Variants in PAM observed in about 807,000 individuals in gnomAD.
PAM encodes the protein peptidyl-glycine alpha-amidating monooxygenase.
PAM carries 72 observed loss-of-function variants against 122.1 expected under a neutral mutation model. That is an observed-to-expected ratio of 0.59 (90% CI 0.49 to 0.72). PAM has a LOEUF of 0.72. Ranked by LOEUF, PAM falls within the 30% of genes least tolerant of loss-of-function variation. The pLI is 0.00. For missense variants in PAM, 1,106 were observed against 1,183.7 expected (o/e 0.93, Z 0.96); for synonymous variants, 389 against 404.4 (o/e 0.96, Z 0.46).
intron 15 of PAM, chr5:102,974,750 A>G (rs934978859): frequency 4.3e-5 from 9 of 210,526 alleles, no homozygotes; most frequent in Non-Finnish European, 7.5e-5. Flanking sequence ...TTACAATTGA[A>G]TATTTTTCAT....
intron 1 of PAM, among the ~76,000 whole-genome samples, chr5:102,857,036 C>T (rs1037849143): frequency 6.6e-6 from 1 of 152,170 alleles, no homozygotes; most frequent in African/African-American, 2.4e-5. Flanking sequence ...GTTTATCTTC[C>T]TAGAGCAAGG....
At position 102,782,719 on chromosome 5, in the gene PAM, CTCTCTCTG is replaced by C. The variant is rs1439080109; in HGVS notation, c.-374+27373_-374+27380del. 2.0e-3 allele frequency among the ~76,000 whole-genome samples: 299 copies of C among 146,112 alleles called. 1 individual carries two copies. Among genetic ancestry groups the C allele is most frequent in the African/African-American group, 7.3e-3 (275 of 37,704 alleles). On this transcript the variant is annotated intron_variant, in intron 1 of 25. Coordinates refer to ENST00000438793, the MANE Select transcript of PAM (RefSeq NM_001177306.2). ...TTTCTCCATTTCTCTCTCTCTCTCT[CTCTCTCTG>C]TGTGTGTGTGTGTGTGTGTGTGTGT...
intron 7 of PAM, among the ~76,000 whole-genome samples, chr5:102,937,337 C>T (rs926295158): frequency 2.6e-5 from 4 of 151,952 alleles, no homozygotes; most frequent in African/African-American, 4.8e-5. Flanking sequence ...TTGACAGACA[C>T]TAGAAATGGA....
intron 24 of PAM, among the ~76,000 whole-genome samples, chr5:103,027,929 A>G (rs1785438692): frequency 6.6e-6 from 1 of 152,172 alleles, no homozygotes; most frequent in Non-Finnish European, 1.5e-5. Context: ...GTCAGAGGAG[A>G]AAACTGAAGC....
intron 18 of PAM, among the ~76,000 whole-genome samples, chr5:103,006,352 G>T (rs1778966381): frequency 6.9e-6 from 1 of 144,652 alleles, no homozygotes; most frequent in African/African-American, 2.5e-5. Flanking sequence ...TATAAAAAGT[G>T]AAATTTGTGT....
In PAM at chr5:102,963,883, T is replaced by TTA. The variant is rs1231812823; in HGVS notation, c.1162+2666_1162+2667dup. Among the ~76,000 whole-genome samples the TTA allele has an allele frequency of 4.0e-3, 601 of 149,608 alleles. 2 individuals carry two copies. Among genetic ancestry groups the TTA allele is most frequent in the African/African-American group, 0.014 (558 of 41,036 alleles). On this transcript the variant is annotated intron_variant, in intron 14 of 25. Coordinates refer to ENST00000438793, the MANE Select transcript of PAM (RefSeq NM_001177306.2). ...TATTTAAATTGTACTATATATAGTATTATATATATATATTTACTTCCTATC... is the reference window on the plus strand; with the variant it reads ...TATTTAAATTGTACTATATATAGTATTATATATATATATATTTACTTCCTATC...
rs1267969588 is a variant in PAM, at chr5:102,900,122, TTTG to T, written c.211-1233_211-1231del. ...AGAGGGTTTATGCTTGTTACCAGGTTTTGGCTAGAACAAATAATAAAATCTCCT... is the reference window on the plus strand; with the variant it reads ...AGAGGGTTTATGCTTGTTACCAGGTTGCTAGAACAAATAATAAAATCTCCT... On this transcript the variant is annotated intron_variant, in intron 3 of 25. Coordinates refer to ENST00000438793, the MANE Select transcript of PAM (RefSeq NM_001177306.2). Among the ~76,000 whole-genome samples the T allele has an allele frequency of 2.4e-4, 36 of 151,394 alleles. No homozygotes were observed. The Middle Eastern group carries it at 0.01, about 43-fold the overall frequency.
chr5:102,906,821 G>A (rs928016554), intron 4 of PAM, among the ~76,000 whole-genome samples: 8 of 151,654 alleles, frequency 5.3e-5, no homozygotes, highest in Non-Finnish European at 8.9e-5. Flanking sequence ...ACAATGTTAC[G>A]CATAGCCCTA....
At chr5:102,981,437 G>A (rs1769825513) in intron 15 of PAM, among the ~76,000 whole-genome samples, 1 of 152,172 alleles carries the variant, frequency 6.6e-6, no homozygotes, top group African/African-American at 2.4e-5. Context: ...TATTCTCATA[G>A]TATCTTCAGC....
At chr5:102,930,486 G>C (rs1011129789) in intron 7 of PAM, among the ~76,000 whole-genome samples, 2 of 152,190 alleles carry the variant, frequency 1.3e-5, no homozygotes, top group Non-Finnish European at 2.9e-5. Context: ...TAGATGCAGA[G>C]ACACGGGAGT....
At position 102,766,660 on chromosome 5, in the gene PAM, G is replaced by T. The variant is rs141650557; in HGVS notation, c.-374+11312G>T. On this transcript the variant is annotated intron_variant, in intron 1 of 25. Transcript: ENST00000438793. ...ATAAGGAAAAATAAATGAAATACTT[G>T]ATAAAAGTTGCATGTGAAATTCTGA... is the stretch of plus-strand genomic sequence containing the variant. Among the ~76,000 whole-genome samples, 457 of 152,202 alleles carry T rather than the reference G, an allele frequency of 3.0e-3. 3 individuals are homozygous for T. The highest frequency in any genetic ancestry group is 0.01 in the African/African-American group (429 of 41,526).
chr5:102,847,124 T>G (rs1780141739), intron 1 of PAM, among the ~76,000 whole-genome samples: 1 of 152,168 alleles, frequency 6.6e-6, no homozygotes, highest in African/African-American at 2.4e-5. Context: ...TCCTAAGCAC[T>G]CATTTTTCCT....
chr5:102,975,670 A>T (rs1247711464), intron 15 of PAM, among the ~76,000 whole-genome samples: 1 of 152,186 alleles, frequency 6.6e-6, no homozygotes, highest in Non-Finnish European at 1.5e-5. Flanking sequence ...TTTGCAGTTT[A>T]TCATGCCCCT....
intron 25 of PAM, among the ~76,000 whole-genome samples, chr5:103,028,636 G>A (rs1213627797): frequency 6.6e-6 from 1 of 152,182 alleles, no homozygotes; most frequent in African/African-American, 2.4e-5. Flanking sequence ...GAGAAAAGCA[G>A]GAGGTGAAAG....
chr5:102,766,926 A>ATTTTTTTTTTTTTTTTTT lies in PAM; in HGVS notation c.-374+11592_-374+11609dup. Among the ~76,000 whole-genome samples the ATTTTTTTTTTTTTTTTTT allele has an allele frequency of 4.1e-3, 106 of 25,856 alleles. 44 individuals carry two copies. Among genetic ancestry groups the ATTTTTTTTTTTTTTTTTT allele is most frequent in the East Asian group, 7.1e-3 (5 of 702 alleles). 17.0% of individuals were successfully genotyped at this position (25,856 alleles called of 152,430 possible). ...ATTTATTTTATTGCTTCAGTTGTGG[A>ATTTTTTTTTTTTTTTTTT]TTTTTTTTTTTTTTTTTTTTTTTTT... On this transcript the variant is annotated intron_variant, in intron 1 of 25. Transcript: ENST00000438793.
chr5:103,004,974 AAGG>A (rs966583206), intron 17 of PAM, among the ~76,000 whole-genome samples, 177 bp from the exon 18 acceptor site: 1 of 152,188 alleles, frequency 6.6e-6, no homozygotes, highest in Non-Finnish European at 1.5e-5. Flanking sequence ...GGTTTGTCAC[AAGG>A]AGATCTCATT....
At chr5:102,940,016 T>C (rs1028905256) in intron 7 of PAM, among the ~76,000 whole-genome samples, 1 of 151,904 alleles carries the variant, frequency 6.6e-6, no homozygotes, top group African/African-American at 2.4e-5. Context: ...CATGAGTCTT[T>C]AGAGGTTTAA....
chr5:102,875,445 C>T lies in PAM; in HGVS notation c.210+8052C>T, dbSNP rs187986213. On this transcript the variant is annotated intron_variant, in intron 3 of 25. Coordinates refer to ENST00000438793, the MANE Select transcript of PAM (RefSeq NM_001177306.2). ...CTGAGCTCAAGTGATCATCCTGCCT[C>T]GGTCTCCCAAAGTGCTGGGATTACA... 1.8e-4 allele frequency among the ~76,000 whole-genome samples: 27 copies of T among 152,246 alleles called. No homozygotes were observed. In the East Asian group the frequency reaches 1.9e-3, roughly 11 times the overall value.
At chr5:102,870,528 C>T (rs1561699539) in intron 3 of PAM, among the ~76,000 whole-genome samples, 1 of 152,170 alleles carries the variant, frequency 6.6e-6, no homozygotes, top group Non-Finnish European at 1.5e-5. Context: ...AAAAATTTCT[C>T]CCATTAAACT....
Sources: gnomAD v4.1 joint callset for allele counts (sites outside exome capture counted in the v4.1 genomes callset) on GRCh38, gnomAD v4.1.1 for gene constraint, MANE v1.5 for transcripts, NCBI Gene and HGNC (gene_info 2026-07-23, HGNC 2026-07-21) for gene names.